The following GPR141 variants were observed in gnomAD, a reference collection of about 807,000 sequenced individuals.
GPR141 encodes the protein probable G protein-coupled receptor 141.
Under a neutral mutation model 6.8 loss-of-function variants are expected in GPR141, and 6 were observed. The observed-to-expected ratio is 0.88, with a 90% CI of 0.48 to 1.74. GPR141 has a LOEUF of 1.74. GPR141 is among the 40% of genes most tolerant of loss of function. GPR141 has a pLI of 0.01. For synonymous variants in GPR141, 140 were observed against 142.3 expected, an observed-to-expected ratio of 0.98 and a Z score of 0.11; for missense variants, 372 against 372.9, an observed-to-expected ratio of 1.00 and a Z score of 0.02.
intron 2 of GPR141, among the ~76,000 whole-genome samples, chr7:37,736,144 C>T (rs1583578587): frequency 1.3e-5 from 2 of 151,670 alleles, no homozygotes; most frequent in South Asian, 2.1e-4. Context: ...CCCAGTTACT[C>T]GGGAGGCTGA....
intron 2 of GPR141, among the ~76,000 whole-genome samples, chr7:37,698,832 T>C (rs986125641): frequency 5.9e-5 from 9 of 152,228 alleles, no homozygotes; most frequent in Admixed American, 5.2e-4. Flanking sequence ...AAAGCTGATA[T>C]ATATTTGAAT....
intron 2 of GPR141, among the ~76,000 whole-genome samples, chr7:37,724,058 A>C (rs1172250796): frequency 6.6e-6 from 1 of 152,150 alleles, no homozygotes; most frequent in Non-Finnish European, 1.5e-5. Context: ...CTTGCAGAGC[A>C]GTGTGGCTCA....
chr7:37,689,490 G>C (rs908977564), intron 2 of GPR141, among the ~76,000 whole-genome samples: 5 of 152,056 alleles, frequency 3.3e-5, no homozygotes, highest in African/African-American at 1.2e-4. Flanking sequence ...TGAATGTTTG[G>C]TAGGGTTCAG....
intron 2 of GPR141, among the ~76,000 whole-genome samples, chr7:37,723,539 T>C (rs899459266): frequency 6.6e-6 from 1 of 151,858 alleles, no homozygotes; most frequent in African/African-American, 2.4e-5. Flanking sequence ...TCTTGTGAAA[T>C]GGTGATGTGA....
At chr7:37,685,186 T>A (rs1809441952) in intron 1 of GPR141, 1 of 152,218 alleles carries the variant, frequency 6.6e-6, no homozygotes, top group African/African-American at 2.4e-5. Context: ...TAGCAATGAT[T>A]TTCAACAATT....
At chr7:37,724,996 G>A (rs1329843226) in intron 2 of GPR141, among the ~76,000 whole-genome samples, 4 of 152,134 alleles carry the variant, frequency 2.6e-5, no homozygotes, top group Non-Finnish European at 5.9e-5. Flanking sequence ...TTCAAAGGTC[G>A]CTGTGTGGGC....
At position 37,730,577 on chromosome 7, in the gene GPR141, TAAC is replaced by T. The variant is rs1430444226; in HGVS notation, c.-14-9801_-14-9799del. 3.9e-5 allele frequency among the ~76,000 whole-genome samples: 6 copies of T among 152,368 alleles called. No homozygotes were observed. The South Asian group carries it at 1.0e-3, about 26-fold the overall frequency. ...AACCACACTTGGCAGGTTCTGTATA[TAAC>T]ACGCGTCAAAGCCATCAGTTGCACT... On this transcript the variant is annotated intron_variant, in intron 2 of 2. Coordinates refer to ENST00000334425, the MANE Select transcript of GPR141 (RefSeq NM_001381946.1).
At chr7:37,690,168 T>C (rs1006452326) in intron 2 of GPR141, among the ~76,000 whole-genome samples, 3 of 152,142 alleles carry the variant, frequency 2.0e-5, no homozygotes, top group Non-Finnish European at 4.4e-5. Context: ...TTCAGGAGCA[T>C]GTTTTTTTGT....
At position 37,727,808 on chromosome 7, in the gene GPR141, CT is replaced by C. The variant is rs149259669; in HGVS notation, c.-14-12569del. ...CTATCCAATCTGTTGCCAAAACAAG[CT>C]TTCAAAATTGAAATATTAAGATGTC... is the stretch of plus-strand genomic sequence containing the variant. On this transcript the variant is annotated intron_variant, in intron 2 of 2. Coordinates refer to ENST00000334425, the MANE Select transcript of GPR141 (RefSeq NM_001381946.1). 2.8e-3 allele frequency among the ~76,000 whole-genome samples: 433 copies of C among 152,302 alleles called. 5 individuals are homozygous for C. The highest frequency in any genetic ancestry group is 0.01 in the African/African-American group (423 of 41,568).
chr7:37,710,868 G>T (rs1206872619), intron 2 of GPR141, among the ~76,000 whole-genome samples: 2 of 152,054 alleles, frequency 1.3e-5, no homozygotes, highest in East Asian at 3.9e-4. Context: ...TCAGAGTTCT[G>T]TATCTTCTTA....
Position 37,689,190 on chromosome 7 carries a change from A to C in GPR141, c.-15+3607A>C, listed in dbSNP as rs536411968. Among the ~76,000 whole-genome samples the C allele has an allele frequency of 9.2e-5, 14 of 152,174 alleles. No homozygotes were observed. In the East Asian group the frequency reaches 2.7e-3, roughly 29 times the overall value. On this transcript the variant is annotated intron_variant, in intron 2 of 2. Coordinates refer to ENST00000334425, the MANE Select transcript of GPR141 (RefSeq NM_001381946.1). ...TCATTCTATTGATGTGATATGTCAGATTTGTCGATTTGCATATGTCAAACT... is the reference window on the plus strand; with the variant it reads ...TCATTCTATTGATGTGATATGTCAGCTTTGTCGATTTGCATATGTCAAACT...
chr7:37,718,772 T>C (rs531108089), intron 2 of GPR141, among the ~76,000 whole-genome samples: 7 of 152,302 alleles, frequency 4.6e-5, no homozygotes, highest in African/African-American at 1.7e-4. Flanking sequence ...CACTTAACAA[T>C]TGCTCTTCTG....
intron 2 of GPR141, among the ~76,000 whole-genome samples, chr7:37,689,884 A>G (rs1436862376): frequency 1.3e-5 from 2 of 148,740 alleles, no homozygotes; most frequent in Non-Finnish European, 3.0e-5. Flanking sequence ...ATTTTTTTTC[A>G]GTTTCAATTT....
chr7:37,699,418 G>A lies in GPR141; in HGVS notation c.-15+13835G>A, dbSNP rs192938061. On this transcript the variant is annotated intron_variant, in intron 2 of 2. Transcript: ENST00000334425. ...CTACTAAAAATACAAAAAATTAGCC[G>A]GGCGTGGTGGCGGGCGCCTGTAGTC... 9.8e-3 allele frequency among the ~76,000 whole-genome samples: 1,496 copies of A among 152,222 alleles called. 25 individuals carry two copies. The highest frequency in any genetic ancestry group is 0.033 in the African/African-American group (1,381 of 41,520).
intron 2 of GPR141, among the ~76,000 whole-genome samples, chr7:37,737,918 A>G (rs1208119116): frequency 6.6e-6 from 1 of 152,230 alleles, no homozygotes; most frequent in East Asian, 1.9e-4. Context: ...TAAGATATCC[A>G]AAAAGAGAGA....
At chr7:37,692,882 AAT>A (rs538275001) in intron 2 of GPR141, among the ~76,000 whole-genome samples, 21 of 152,034 alleles carry the variant, frequency 1.4e-4, no homozygotes, top group Non-Finnish European at 2.9e-4. Context: ...GTTCCTTGTA[AAT>A]TCTGGATATA....
chr7:37,736,086 C>T lies in GPR141; in HGVS notation c.-14-4294C>T, dbSNP rs552355489. Among the ~76,000 whole-genome samples the T allele has an allele frequency of 2.9e-3, 441 of 152,120 alleles. 1 individual carries two copies. Among genetic ancestry groups the T allele is most frequent in the African/African-American group, 7.0e-3 (291 of 41,506 alleles). On this transcript the variant is annotated intron_variant, in intron 2 of 2. Transcript: ENST00000334425. ...CCAGACGGACCAACATGGTGAAACC[C>T]GTCTCTACTAAAAATACAAACATTA... is the stretch of plus-strand genomic sequence containing the variant.
chr7:37,711,743 C>G (rs566598968), intron 2 of GPR141, among the ~76,000 whole-genome samples: 2 of 152,356 alleles, frequency 1.3e-5, no homozygotes, highest in East Asian at 3.9e-4. Flanking sequence ...CTGTATCCCT[C>G]TCTTGTCCCT....
intron 2 of GPR141, among the ~76,000 whole-genome samples, chr7:37,713,063 G>A (rs905977022): frequency 6.6e-6 from 1 of 152,216 alleles, no homozygotes; most frequent in Non-Finnish European, 1.5e-5. Context: ...CTAGCACATT[G>A]TGACTTCCAC....
Sources: gnomAD v4.1 joint callset for allele counts (sites outside exome capture counted in the v4.1 genomes callset) on GRCh38, gnomAD v4.1.1 for gene constraint, MANE v1.5 for transcripts, NCBI Gene and HGNC (gene_info 2026-07-23, HGNC 2026-07-21) for gene names.